Variants in DNAH9 observed in about 807,000 individuals in gnomAD.
DNAH9 encodes the protein DNAH9 variant protein.
Under a neutral mutation model 471.6 loss-of-function variants are expected in DNAH9, and 345 were observed. The observed-to-expected ratio is 0.73, with a 90% CI of 0.67 to 0.80. The LOEUF (loss-of-function observed/expected upper bound fraction) is 0.80. DNAH9 is among the 30% of genes least tolerant of loss of function. DNAH9 has a pLI of 0.00. For synonymous variants in DNAH9, 2,093 were observed against 2,123.6 expected (o/e 0.99, Z 0.40); for missense variants, 5,407 against 5,609.2 (o/e 0.96, Z 1.15).
At chr17:11,655,842 A>G (rs1478554864) in intron 14 of DNAH9, among the ~76,000 whole-genome samples, 6 of 151,874 alleles carry the variant, frequency 4.0e-5, no homozygotes, top group Non-Finnish European at 8.8e-5. Flanking sequence ...GAATGATACA[A>G]TGGACTTTGG....
Position 11,669,181 on chromosome 17 carries a change from A to G in DNAH9, c.2849A>G (p.Glu950Gly). ...GVKGGFCDIV[E>G]GLITSIFRIP... ...AAGGGGGGTTTCTGTGACATTGTTG[A>G]GGGTCTCATCACCAGCATTTTTAGG... The change falls in exon 16 of 69, where the codon GAG (glutamate) becomes GGG (glycine). Residue 950 changes from glutamate to glycine, a missense_variant. By Grantham distance (98) the Glu-to-Gly change is moderately conservative. Transcript: ENST00000262442. 1 of 1,613,882 alleles carries G rather than the reference A, an allele frequency of 6.2e-7. No individual in the cohort carries two copies. The highest frequency in any genetic ancestry group is 8.5e-7 in the Non-Finnish European group (1 of 1,179,920).
rs140161288 is a variant in DNAH9, at chr17:11,969,426, A to G, written c.13360A>G (p.Ser4454Gly). 2.2e-4 allele frequency: 359 copies of G among 1,613,956 alleles called. No individual in the cohort carries two copies. Among genetic ancestry groups the G allele is most frequent in the Non-Finnish European group, 2.8e-4 (331 of 1,180,032 alleles). Residue 4454 changes from serine (S) to glycine (G), a missense_variant, in exon 69 of 69, where the codon AGT becomes GGT. Coordinates refer to ENST00000262442, the MANE Select transcript of DNAH9 (RefSeq NM_001372.4). ...SVYSCPVYKT[S>G]QRGPTYVWTF... Reference sequence around the variant, plus strand: ...CTATTCCTGTCCTGTGTACAAGACTAGTCAGCGGGGACCCACCTACGTGTG... The same window carrying G: ...CTATTCCTGTCCTGTGTACAAGACTGGTCAGCGGGGACCCACCTACGTGTG...
intron 43 of DNAH9, among the ~76,000 whole-genome samples, chr17:11,803,423 T>A (rs1368564634): frequency 6.6e-6 from 1 of 152,206 alleles, no homozygotes; most frequent in Non-Finnish European, 1.5e-5. Flanking sequence ...CGCACATGCG[T>A]GTCTAGTCCA....
chr17:11,879,952 C>T (rs1181526077), intron 53 of DNAH9, 126 bp from the exon 54 acceptor site: 1 of 1,162,250 alleles, frequency 8.6e-7, no homozygotes, highest in East Asian at 2.4e-5. Context: ...CCACTGAAAA[C>T]ATTCCAAATA....
intron 68 of DNAH9, among the ~76,000 whole-genome samples, chr17:11,965,952 C>T (rs1019983202): frequency 3.9e-5 from 6 of 152,064 alleles, no homozygotes; most frequent in Admixed American, 3.3e-4. Context: ...TGAAGAGTCT[C>T]AGAGACCTGT....
At chr17:11,860,557 TTTG>T (rs997995625) in intron 50 of DNAH9, among the ~76,000 whole-genome samples, 55 of 152,216 alleles carry the variant, frequency 3.6e-4, no homozygotes, top group Admixed American at 3.0e-3. Flanking sequence ...TGTTTTGTTT[TTTG>T]TTGTTTGTTG....
At chr17:11,628,444 A>T (rs2073008023) in intron 6 of DNAH9, among the ~76,000 whole-genome samples, 1 of 152,238 alleles carries the variant, frequency 6.6e-6, no homozygotes, top group Non-Finnish European at 1.5e-5. Context: ...TAACTGACTT[A>T]GCACTCAGCA....
At chr17:11,851,436 A>C (rs1389529075) in intron 49 of DNAH9, among the ~76,000 whole-genome samples, 1 of 152,222 alleles carries the variant, frequency 6.6e-6, no homozygotes, top group East Asian at 1.9e-4. Context: ...ATCTTGGTGG[A>C]TGCAGAGGTA....
chr17:11,674,444 A>G (rs548849634), intron 17 of DNAH9, among the ~76,000 whole-genome samples: 1 of 152,348 alleles, frequency 6.6e-6, no homozygotes, highest in East Asian at 1.9e-4. Context: ...TACTCTGAGT[A>G]TAAAAAGGTC....
chr17:11,741,775 A>G (rs1385518295), intron 29 of DNAH9, among the ~76,000 whole-genome samples: 1 of 152,216 alleles, frequency 6.6e-6, no homozygotes, highest in Admixed American at 6.5e-5. Flanking sequence ...AGATACCCAG[A>G]GAAACTCAAT....
chr17:11,898,260 G>A (rs1322616528), intron 59 of DNAH9, among the ~76,000 whole-genome samples: 1 of 152,082 alleles, frequency 6.6e-6, no homozygotes, highest in Admixed American at 6.5e-5. Context: ...AAGTAGCTGG[G>A]ATTACCGGCG....
rs17555182 is a variant in DNAH9 at position 11,676,629 on chromosome 17, G to A, written c.3354-3128G>A. Among the ~76,000 whole-genome samples the A allele has an allele frequency of 1.2e-3, 183 of 151,560 alleles. 5 individuals are homozygous for A. The East Asian group carries it at 0.034, about 28-fold the overall frequency. On this transcript the variant is annotated intron_variant, in intron 17 of 68. Transcript: ENST00000262442. ...CTTTCTGGTTTCCTTTCTTCTTGCC[G>A]GACACAAAAAAACTATCTAATAAAC...
chr17:11,840,347 T>C (rs1597720713), intron 49 of DNAH9, among the ~76,000 whole-genome samples: 1 of 152,260 alleles, frequency 6.6e-6, no homozygotes, highest in Non-Finnish European at 1.5e-5. Context: ...AGTACATGTA[T>C]TGAAACCTCA....
intron 48 of DNAH9, among the ~76,000 whole-genome samples, chr17:11,831,779 A>G (rs1288928849): frequency 2.0e-5 from 3 of 152,178 alleles, no homozygotes; most frequent in African/African-American, 7.2e-5. Context: ...CTGCAGAAAC[A>G]TCATGACTGC....
intron 50 of DNAH9, among the ~76,000 whole-genome samples, chr17:11,866,120 GCT>G (rs1392301664): frequency 6.6e-6 from 1 of 151,858 alleles, no homozygotes; most frequent in African/African-American, 2.4e-5. Flanking sequence ...CAGTTTTTCT[GCT>G]CTGTTTTTTC....
At chr17:11,645,953 C>T (rs7209135) in intron 11 of DNAH9, among the ~76,000 whole-genome samples, 93,462 of 148,100 alleles carry the variant, frequency 0.63, 29,671 homozygotes, top group Admixed American at 0.71. Flanking sequence ...AATCTCGACT[C>T]ACTGCAAGCT....
At chr17:11,745,195 A>C in intron 31 of DNAH9, 111 bp downstream of exon 31, 2 of 884,572 alleles carry the variant, frequency 2.3e-6, no homozygotes, top group South Asian at 1.7e-5. Flanking sequence ...ACAAATATGT[A>C]TCTAGTTAGT....
intron 67 of DNAH9, among the ~76,000 whole-genome samples, chr17:11,951,818 G>A (rs1437372939): frequency 3.3e-5 from 5 of 151,618 alleles, no homozygotes. Flanking sequence ...AGCTACTCGG[G>A]AGGCTGAGGC....
rs1859892 is a variant in DNAH9 at position 11,812,026 on chromosome 17, A to T, written c.8707+1657A>T. Among the ~76,000 whole-genome samples, 198 of 36,222 alleles carry T rather than the reference A, an allele frequency of 5.5e-3. 2 individuals are homozygous for T. Among genetic ancestry groups the T allele is most frequent in the South Asian group, 0.012 (9 of 734 alleles). The allele number at this position is 36,222 out of a possible 152,430, so 23.8% of individuals were successfully genotyped here. A position where few individuals can be genotyped will look rare whatever the true frequency, so the allele number is the denominator to read the frequency against. On this transcript the variant is annotated intron_variant, in intron 45 of 68. Transcript: ENST00000262442. Reference sequence around the variant, plus strand: ...AAAAAAAAAAAAAAAAAAAAAAAAAAATATATATATATATATATATATATA... The same window carrying T: ...AAAAAAAAAAAAAAAAAAAAAAAAATATATATATATATATATATATATATA...
Sources: gnomAD v4.1 joint callset for allele counts (sites outside exome capture counted in the v4.1 genomes callset) on GRCh38, gnomAD v4.1.1 for gene constraint, MANE v1.5 for transcripts, NCBI Gene and HGNC (gene_info 2026-07-23, HGNC 2026-07-21) for gene names.